The following TCF7L2 variants were observed in gnomAD, a reference collection of about 807,000 sequenced individuals.
TCF7L2 encodes transcription factor 7-like 2.
Under a neutral mutation model 77.9 loss-of-function variants are expected in TCF7L2, and 23 were observed. The observed-to-expected ratio is 0.30, with a 90% CI of 0.21 to 0.42. The LOEUF (loss-of-function observed/expected upper bound fraction) is 0.42. Ranked by LOEUF, TCF7L2 falls within the 10% of genes least tolerant of loss-of-function variation. TCF7L2 has a pLI of 1.00. For synonymous variants in TCF7L2, 413 were observed against 340.2 expected (o/e 1.21, Z -2.36); for missense variants, 654 against 793.1 (o/e 0.82, Z 2.11).
intron 3 of TCF7L2, among the ~76,000 whole-genome samples, chr10:112,957,891 T>C (rs1323353568): frequency 6.6e-6 from 1 of 152,136 alleles, no homozygotes; most frequent in African/African-American, 2.4e-5. Context: ...GACTACGCGG[T>C]ATAAGGAGGA....
intron 5 of TCF7L2, among the ~76,000 whole-genome samples, chr10:113,071,136 T>C (rs1297053404): frequency 6.6e-6 from 1 of 152,180 alleles, no homozygotes; most frequent in Non-Finnish European, 1.5e-5. Context: ...CTTCTGGAAC[T>C]CACTGTTCTC....
intron 5 of TCF7L2, among the ~76,000 whole-genome samples, chr10:113,090,589 T>C (rs1472007317): frequency 6.6e-6 from 1 of 152,190 alleles, no homozygotes; most frequent in Non-Finnish European, 1.5e-5. Flanking sequence ...TGTAAATACC[T>C]ATACTCTTAT....
At chr10:113,040,150 G>A (rs2134267851) in intron 5 of TCF7L2, 24 bp downstream of exon 5, 1 of 1,602,640 alleles carries the variant, frequency 6.2e-7, no homozygotes. Flanking sequence ...CAGAGATGAT[G>A]GCTTCCTTTA....
At chr10:113,161,483 C>G in intron 13 of TCF7L2, 1 of 1,361,986 alleles carries the variant, frequency 7.3e-7, no homozygotes, top group African/African-American at 1.4e-5. Flanking sequence ...GTACTTCCTT[C>G]TTGGTGGAGG....
At chr10:112,993,640 G>A (rs1020977350) in intron 4 of TCF7L2, among the ~76,000 whole-genome samples, 1 of 152,244 alleles carries the variant, frequency 6.6e-6, no homozygotes, top group South Asian at 2.1e-4. Context: ...AGTTATCCCA[G>A]CAAGCACTTA....
intron 5 of TCF7L2, 71 bp from the exon 6 acceptor site, chr10:113,141,113 G>T (rs1027666986): frequency 2.5e-6 from 4 of 1,586,620 alleles, no homozygotes; most frequent in Non-Finnish European, 3.4e-6. Context: ...GAACCCACGG[G>T]CCCGGTGCTC....
At chr10:112,957,189 C>T (rs1021079818) in intron 3 of TCF7L2, among the ~76,000 whole-genome samples, 2 of 132,354 alleles carry the variant, frequency 1.5e-5, no homozygotes, top group Non-Finnish European at 3.1e-5. Flanking sequence ...AACACCCCCA[C>T]CTTTTTTTTT....
At chr10:113,043,146 A>C (rs1478024409) in intron 5 of TCF7L2, among the ~76,000 whole-genome samples, 3 of 152,384 alleles carry the variant, frequency 2.0e-5, no homozygotes, top group Admixed American at 1.3e-4. Context: ...CTTGAAGAAT[A>C]GGGATGTATT....
chr10:113,018,334 TG>T (rs1010738271), intron 4 of TCF7L2, among the ~76,000 whole-genome samples: 2 of 151,756 alleles, frequency 1.3e-5, no homozygotes, highest in Non-Finnish European at 2.9e-5. Flanking sequence ...CCGAGAATGC[TG>T]GGTTGGGCAG....
At chr10:113,156,084 G>T (rs2071806790) in intron 11 of TCF7L2, among the ~76,000 whole-genome samples, 1 of 151,544 alleles carries the variant, frequency 6.6e-6, no homozygotes, top group Non-Finnish European at 1.5e-5. Context: ...TTTCCTGACA[G>T]AACCTAACGT....
At chr10:112,976,455 C>G (rs904062126) in intron 4 of TCF7L2, among the ~76,000 whole-genome samples, 4 of 152,100 alleles carry the variant, frequency 2.6e-5, no homozygotes, top group African/African-American at 9.7e-5. Flanking sequence ...TTACATTTGA[C>G]TAGAATATAA....
At position 113,144,745 on chromosome 10, in the gene TCF7L2, G is replaced by T. The variant is rs143836985; in HGVS notation, c.788+720G>T. 4.5e-3 allele frequency among the ~76,000 whole-genome samples: 681 copies of T among 152,272 alleles called. 5 individuals carry two copies. Among genetic ancestry groups the T allele is most frequent in the Non-Finnish European group, 6.7e-3 (459 of 68,014 alleles). On this transcript the variant is annotated intron_variant, in intron 7 of 13. Coordinates refer to ENST00000627217, the MANE Select transcript of TCF7L2 (RefSeq NM_001146274.2). Reference sequence around the variant, plus strand: ...GGGGCCTTCGTAAGCATCAATCCTAGCTCCTGGCAGTGCCCAGATTATTTG... The same window carrying T: ...GGGGCCTTCGTAAGCATCAATCCTATCTCCTGGCAGTGCCCAGATTATTTG...
intron 5 of TCF7L2, among the ~76,000 whole-genome samples, chr10:113,134,183 C>T (rs1038118945): frequency 2.6e-5 from 4 of 152,236 alleles, no homozygotes; most frequent in African/African-American, 4.8e-5. Context: ...AGGAAGACCC[C>T]GGCCACGGTG....
chr10:113,053,843 G>A (rs944702166), intron 5 of TCF7L2, among the ~76,000 whole-genome samples: 4 of 152,176 alleles, frequency 2.6e-5, no homozygotes, highest in African/African-American at 9.7e-5. Flanking sequence ...TCCCGATTTG[G>A]CAGATGAGGA....
intron 5 of TCF7L2, among the ~76,000 whole-genome samples, chr10:113,098,289 CT>C (rs2061275736): frequency 6.6e-6 from 1 of 152,258 alleles, no homozygotes; most frequent in African/African-American, 2.4e-5. Flanking sequence ...GCTTTCCGCA[CT>C]GGGATCTTCC....
intron 12 of TCF7L2, 62 bp downstream of exon 14, chr10:113,160,054 C>G (rs371501633): frequency 1.6e-4 from 225 of 1,446,824 alleles, no homozygotes; most frequent in Non-Finnish European, 2.1e-4. Context: ...ATCCTCTCCC[C>G]CTTCTCTGGC....
Position 112,951,521 on chromosome 10 carries a change from C to A in TCF7L2, c.295C>A (p.Pro99Thr), listed in dbSNP as rs1277048850. ...AGATGGAGGGCTCTTTAAGGGGCCA[C>A]CGTATCCCGGCTACCCCTTCATCAT... is the stretch of plus-strand genomic sequence containing the variant. The change falls in exon 3 of 14, where the codon CCG (proline) becomes ACG (threonine). Residue 99 changes from proline (P) to threonine (T), a missense_variant. Physicochemically the swap from Pro to Thr is conservative, Grantham distance 38. Coordinates refer to ENST00000627217, the MANE Select transcript of TCF7L2 (RefSeq NM_001146274.2). 7.0e-7 allele frequency: 1 copy of A among 1,431,140 alleles called. No homozygotes were observed. The highest frequency in any genetic ancestry group is 1.5e-5 in the African/African-American group (1 of 66,788). 88.7% of individuals were successfully genotyped at this position (1,431,140 alleles called of 1,614,324 possible).
At chr10:112,955,420 C>T (rs1437698051) in intron 3 of TCF7L2, among the ~76,000 whole-genome samples, 1 of 152,092 alleles carries the variant, frequency 6.6e-6, no homozygotes, top group Non-Finnish European at 1.5e-5. Context: ...AACATTCACC[C>T]AATAAGTCAT....
chr10:112,959,671 G>A (rs1483918251), intron 3 of TCF7L2, among the ~76,000 whole-genome samples: 1 of 152,082 alleles, frequency 6.6e-6, no homozygotes, highest in Non-Finnish European at 1.5e-5. Flanking sequence ...TGAAGTCAGA[G>A]GCCCCCCTTG....
Sources: allele counts gnomAD v4.1 joint callset (sites outside exome capture counted in the v4.1 genomes callset), GRCh38; gene constraint gnomAD v4.1.1; transcripts MANE v1.5; gene names NCBI Gene and HGNC (gene_info 2026-07-23, HGNC 2026-07-21).